The following TLR2 variants were observed in gnomAD, a reference collection of about 807,000 sequenced individuals.
TLR2 encodes the protein toll-like receptor 2.
Under a neutral mutation model 9.1 loss-of-function variants are expected in TLR2, and 7 were observed. That is an observed-to-expected ratio of 0.77 (90% CI 0.44 to 1.44). The LOEUF (loss-of-function observed/expected upper bound fraction) is 1.44. TLR2 is among the 40% of genes most tolerant of loss of function. TLR2 has a pLI of 0.01. For missense variants in TLR2, 812 were observed against 904.6 expected, an observed-to-expected ratio of 0.90 and a Z score of 1.31; for synonymous variants, 317 against 344.6, an observed-to-expected ratio of 0.92 and a Z score of 0.89.
chr4:153,698,513 A>G (rs934902655), intron 2 of TLR2, among the ~76,000 whole-genome samples: 29 of 152,224 alleles, frequency 1.9e-4, no homozygotes, highest in Admixed American at 5.2e-4. Context: ...TTCTGAGTCC[A>G]TATAGCTGCC....
chr4:153,702,043 C>G (rs1471842479), intron 2 of TLR2: 2 of 152,058 alleles, frequency 1.3e-5, no homozygotes, highest in Admixed American at 6.5e-5. Context: ...CATACAGATG[C>G]AAGAAATGAG....
intron 2 of TLR2, among the ~76,000 whole-genome samples, chr4:153,693,063 C>T (rs997901222): frequency 6.6e-6 from 1 of 152,194 alleles, no homozygotes; most frequent in Non-Finnish European, 1.5e-5. Context: ...CACTTTTCCC[C>T]ATTTCCACAT....
chr4:153,696,563 C>T (rs1736510756), intron 2 of TLR2, among the ~76,000 whole-genome samples: 1 of 152,268 alleles, frequency 6.6e-6, no homozygotes, highest in Non-Finnish European at 1.5e-5. Context: ...ACTACAATTT[C>T]ACTGAATTTG....
downstream of TLR2, among the ~76,000 whole-genome samples, chr4:153,707,862 A>G (rs185916902): frequency 4.0e-3 from 607 of 152,278 alleles, 4 homozygotes; most frequent in African/African-American, 0.013. Context: ...GGATCACCTG[A>G]GGTGTTGTGG....
chr4:153,693,681 T>C lies in TLR2; in HGVS notation c.-17+5634T>C, dbSNP rs185910821. On this transcript the variant is annotated intron_variant, in intron 2 of 2. Transcript: ENST00000642700. ...CAAACAAACCTGCTCTGTCACCTCT[T>C]CTGTTACTTCATTATACTTTCCTTC... Among the ~76,000 whole-genome samples, 193 of 152,306 alleles carry C rather than the reference T, an allele frequency of 1.3e-3. 1 individual carries two copies. Among genetic ancestry groups the C allele is most frequent in the African/African-American group, 4.4e-3 (184 of 41,556 alleles).
At chr4:153,692,221 T>A (rs1023121822) in intron 2 of TLR2, among the ~76,000 whole-genome samples, 1 of 152,198 alleles carries the variant, frequency 6.6e-6, no homozygotes, top group Non-Finnish European at 1.5e-5. Context: ...TAAAGGCCAA[T>A]TTTTTGGAAT....
downstream of TLR2, among the ~76,000 whole-genome samples, chr4:153,706,402 CTTG>C (rs1478389710): frequency 6.6e-6 from 1 of 152,082 alleles, no homozygotes; most frequent in East Asian, 1.9e-4. Flanking sequence ...TTCGAAAAGT[CTTG>C]TTTTTAATTC....
Position 153,703,734 on chromosome 4 carries a change from T to G in TLR2, c.827T>G (p.Ile276Ser), listed in dbSNP as rs753496442. 1 of 1,613,988 alleles carries G rather than the reference T, an allele frequency of 6.2e-7. No homozygotes were observed. Among genetic ancestry groups the G allele is most frequent in the Non-Finnish European group, 8.5e-7 (1 of 1,179,992 alleles). The change falls in exon 3 of 3, where the codon ATT becomes AGT. Residue 276 changes from isoleucine to serine, a missense_variant. Physicochemically the swap from Ile to Ser is moderately radical, Grantham distance 142. Coordinates refer to ENST00000642700, the MANE Select transcript of TLR2 (RefSeq NM_001318789.2). ...CAGGTTATGAAACTTTTGAATCAGATTTCTGGATTGTTAGAATTAGAGTTT... is the reference window on the plus strand; with the variant it reads ...CAGGTTATGAAACTTTTGAATCAGAGTTCTGGATTGTTAGAATTAGAGTTT... ...LFQVMKLLNQ[I>S]SGLLELEFDD...
Position 153,705,209 on chromosome 4 carries a change from G to A in TLR2, c.2302G>A (p.Glu768Lys), listed in dbSNP as rs760090564. 3.7e-6 allele frequency: 6 copies of A among 1,608,080 alleles called. No homozygotes were observed. The highest frequency in any genetic ancestry group is 3.4e-5 in the Admixed American group (2 of 59,370). ...TKTYLEWPMDEAQREGFWVNL... is the reference protein window; with the variant it reads ...TKTYLEWPMDKAQREGFWVNL... ...GACCTACCTGGAGTGGCCCATGGACGAGGCTCAGCGGGAAGGATTTTGGGT... is the reference window on the plus strand; with the variant it reads ...GACCTACCTGGAGTGGCCCATGGACAAGGCTCAGCGGGAAGGATTTTGGGT... The change falls in exon 3 of 3, where the codon GAG becomes AAG. Residue 768 changes from glutamate to lysine, a missense_variant. Glu to Lys is a moderately conservative substitution (Grantham distance 56). Transcript: ENST00000642700.
At chr4:153,694,955 TTAACA>T (rs1383289389) in intron 2 of TLR2, among the ~76,000 whole-genome samples, 1 of 152,226 alleles carries the variant, frequency 6.6e-6, no homozygotes. Flanking sequence ...CTTATTTCAC[TTAACA>T]TAATATCCTC....
At chr4:153,701,780 AAG>A (rs1491181096) in intron 2 of TLR2, 1 of 151,948 alleles carries the variant, frequency 6.6e-6, no homozygotes, top group African/African-American at 2.4e-5. Context: ...TAAAAAAAAA[AAG>A]AGGGAATGCG....
rs757084164 is a variant in TLR2, at chr4:153,704,323, T to G, written c.1416T>G (p.Phe472Leu). Residue 472 changes from phenylalanine (F) to leucine (L), a missense_variant, in exon 3 of 3, where the codon TTT becomes TTG. Transcript: ENST00000642700. ...TTAGCAACAACAATCTCAATTTATT[T>G]TCTTTGAATTTGCCGCAACTCAAAG... is the stretch of plus-strand genomic sequence containing the variant. ...LDVSNNNLNL[F>L]SLNLPQLKEL... 20 of 1,613,426 alleles carry G rather than the reference T, an allele frequency of 1.2e-5. No individual in the cohort carries two copies. The South Asian group carries it at 2.1e-4, about 17-fold the overall frequency.
chr4:153,689,675 C>A (rs929236722), intron 2 of TLR2, among the ~76,000 whole-genome samples: 11 of 152,254 alleles, frequency 7.2e-5, no homozygotes, highest in African/African-American at 2.4e-4. Flanking sequence ...ATGATTACAT[C>A]CAGGCATTAT....
In TLR2 at chr4:153,705,293, G is replaced by T; in HGVS notation, c.*31G>T. 2.6e-6 allele frequency: 4 copies of T among 1,517,868 alleles called. No homozygotes were observed. Among genetic ancestry groups the T allele is most frequent in the Non-Finnish European group, 3.5e-6 (4 of 1,133,538 alleles). 94.0% of individuals were successfully genotyped at this position (1,517,868 alleles called of 1,614,324 possible). ...CATATTTAAGACCAGTCTTTGTCTA[G>T]TTGGGATCTTTATGTCACTAGTTAT... On this transcript the variant is annotated 3_prime_UTR_variant, in exon 3 of 3. Transcript: ENST00000642700.
chr4:153,690,671 T>A (rs369122149), intron 2 of TLR2, among the ~76,000 whole-genome samples: 230 of 152,388 alleles, frequency 1.5e-3, no homozygotes, highest in African/African-American at 5.1e-3. Flanking sequence ...AGATGAGGAA[T>A]GCACCATTTG....
At chr4:153,686,863 C>G (rs1560734471) in intron 1 of TLR2, among the ~76,000 whole-genome samples, 1 of 152,066 alleles carries the variant, frequency 6.6e-6, no homozygotes, top group Admixed American at 6.5e-5. Context: ...ATGTAGTTCA[C>G]ATAAGGAACC....
At chr4:153,684,522 C>A (rs945715242) in intron 1 of TLR2, among the ~76,000 whole-genome samples, 162 bp downstream of exon 1, 1 of 152,216 alleles carries the variant, frequency 6.6e-6, no homozygotes, top group African/African-American at 2.4e-5. Flanking sequence ...GCGGGGATAG[C>A]GGGAAGCGCA....
downstream of TLR2, chr4:153,710,261 C>T: frequency 9.6e-6 from 8 of 830,234 alleles, no homozygotes; most frequent in Non-Finnish European, 1.2e-5. Flanking sequence ...ACAAAGTTTA[C>T]TTAGTTTTCT....
chr4:153,687,086 G>A (rs1011781256), intron 1 of TLR2, among the ~76,000 whole-genome samples: 2 of 151,930 alleles, frequency 1.3e-5, no homozygotes, highest in African/African-American at 4.8e-5. Context: ...TAACCCATGG[G>A]TCAAAAAATA....
Sources: gnomAD v4.1 joint callset for allele counts (sites outside exome capture counted in the v4.1 genomes callset) on GRCh38, gnomAD v4.1.1 for gene constraint, MANE v1.5 for transcripts, NCBI Gene and HGNC (gene_info 2026-07-23, HGNC 2026-07-21) for gene names.